Variants in DOCK3 observed in about 807,000 individuals in gnomAD.
The protein encoded by DOCK3 is dedicator of cytokinesis protein 3.
A neutral mutation model predicts 265.6 loss-of-function variants in DOCK3; 60 were observed. That is an observed-to-expected ratio of 0.23 (90% CI 0.18 to 0.28). The LOEUF is 0.28. Ranked by LOEUF, DOCK3 falls within the 10% of genes least tolerant of loss-of-function variation. The pLI is 1.00. For synonymous variants in DOCK3, 881 were observed against 938.0 expected, an observed-to-expected ratio of 0.94 and a Z score of 1.11; for missense variants, 1,981 against 2,594.3, an observed-to-expected ratio of 0.76 and a Z score of 5.14.
chr3:51,141,109 T>C (rs1200456897), intron 9 of DOCK3, among the ~76,000 whole-genome samples: 1 of 152,078 alleles, frequency 6.6e-6, no homozygotes, highest in African/African-American at 2.4e-5. Flanking sequence ...TTTTTTGTTG[T>C]TGCTTGTGCT....
chr3:51,237,891 C>A (rs2078419416), intron 21 of DOCK3, among the ~76,000 whole-genome samples: 1 of 151,890 alleles, frequency 6.6e-6, no homozygotes, highest in Non-Finnish European at 1.5e-5. Context: ...AATAACTCCC[C>A]ATTCTCCCCT....
intron 12 of DOCK3, among the ~76,000 whole-genome samples, chr3:51,162,251 T>C (rs1342212271): frequency 6.6e-6 from 1 of 152,224 alleles, no homozygotes; most frequent in Non-Finnish European, 1.5e-5. Flanking sequence ...TCTGTCTGAC[T>C]TGGGCATGAA....
chr3:50,911,580 A>G (rs2049855329), intron 4 of DOCK3, among the ~76,000 whole-genome samples: 1 of 152,068 alleles, frequency 6.6e-6, no homozygotes, highest in Non-Finnish European at 1.5e-5. Flanking sequence ...TTTTGAAGTC[A>G]GGTAGTGTGA....
chr3:51,154,681 A>C (rs556424426), intron 10 of DOCK3, among the ~76,000 whole-genome samples: 2 of 152,380 alleles, frequency 1.3e-5, no homozygotes, highest in South Asian at 4.1e-4. Flanking sequence ...TTGTGGGAAC[A>C]GAGCTGCGTG....
intron 9 of DOCK3, among the ~76,000 whole-genome samples, chr3:51,125,591 C>G (rs1437657634): frequency 6.6e-6 from 1 of 151,956 alleles, no homozygotes; most frequent in African/African-American, 2.4e-5. Context: ...GAAACAGCAG[C>G]AGAAATAGTG....
chr3:51,116,043 G>A (rs2083721623), intron 9 of DOCK3, among the ~76,000 whole-genome samples: 1 of 152,120 alleles, frequency 6.6e-6, no homozygotes, highest in Non-Finnish European at 1.5e-5. Context: ...TTTGGTTACT[G>A]TCACCTTGTA....
At chr3:50,716,568 A>C in intron 1 of DOCK3, among the ~76,000 whole-genome samples, 1 of 151,102 alleles carries the variant, frequency 6.6e-6, no homozygotes, top group East Asian at 1.9e-4. Flanking sequence ...AAATTAAAAA[A>C]AATTATATAT....
chr3:51,077,108 C>A (rs750397873), intron 7 of DOCK3, among the ~76,000 whole-genome samples: 2 of 151,916 alleles, frequency 1.3e-5, no homozygotes, highest in Non-Finnish European at 2.9e-5. Context: ...AGTAGTGATT[C>A]AGGTAAGAAA....
chr3:51,041,957 G>A (rs2080550617), intron 5 of DOCK3, among the ~76,000 whole-genome samples: 1 of 152,058 alleles, frequency 6.6e-6, no homozygotes, highest in Admixed American at 6.6e-5. Context: ...CTTCTCCCTA[G>A]CCATGAAAGC....
intron 7 of DOCK3, among the ~76,000 whole-genome samples, chr3:51,081,307 G>A (rs1053544811): frequency 1.3e-5 from 2 of 152,110 alleles, no homozygotes; most frequent in Admixed American, 1.3e-4. Context: ...GAAGCAGGAT[G>A]AAATCTCTCA....
chr3:50,717,592 G>A (rs916689634), intron 1 of DOCK3, among the ~76,000 whole-genome samples: 5 of 151,634 alleles, frequency 3.3e-5, no homozygotes, highest in African/African-American at 9.7e-5. Flanking sequence ...CTTTCTGTCC[G>A]CACCTGATAC....
intron 17 of DOCK3, among the ~76,000 whole-genome samples, 171 bp from the exon 18 acceptor site, chr3:51,228,490 A>G (rs1368113431): frequency 6.6e-6 from 1 of 152,206 alleles, no homozygotes; most frequent in African/African-American, 2.4e-5. Flanking sequence ...TAAAAGGCAC[A>G]TGAGCTGTTC....
chr3:50,925,161 G>A (rs576545246), intron 4 of DOCK3, among the ~76,000 whole-genome samples: 7 of 152,248 alleles, frequency 4.6e-5, no homozygotes, highest in Admixed American at 1.3e-4. Flanking sequence ...TTGTAATTCA[G>A]CAATCCTTAG....
intron 9 of DOCK3, among the ~76,000 whole-genome samples, chr3:51,144,112 C>G (rs1175122420): frequency 1.3e-5 from 2 of 152,156 alleles, no homozygotes; most frequent in Non-Finnish European, 2.9e-5. Flanking sequence ...TATACACCCC[C>G]CCTTGATACC....
intron 5 of DOCK3, among the ~76,000 whole-genome samples, chr3:51,044,322 C>CA (rs565158536): frequency 3.9e-5 from 6 of 151,962 alleles, no homozygotes; most frequent in South Asian, 4.2e-4. Context: ...CAAACTAACA[C>CA]AAAAAAACAG....
intron 5 of DOCK3, among the ~76,000 whole-genome samples, chr3:51,012,276 T>G (rs967694392): frequency 6.6e-6 from 1 of 152,194 alleles, no homozygotes; most frequent in African/African-American, 2.4e-5. Flanking sequence ...GCAGGCCTCC[T>G]TGAGCTGCGG....
At chr3:50,684,670 G>A (rs1045393063) in intron 1 of DOCK3, among the ~76,000 whole-genome samples, 3 of 152,150 alleles carry the variant, frequency 2.0e-5, no homozygotes, top group Non-Finnish European at 1.5e-5. Flanking sequence ...AACTTATCCC[G>A]ACAATACTTC....
At chr3:51,377,510 G>A (rs1004191842) in intron 51 of DOCK3, among the ~76,000 whole-genome samples, 6 of 152,210 alleles carry the variant, frequency 3.9e-5, no homozygotes, top group African/African-American at 1.2e-4. Context: ...ATGCACTGGC[G>A]GCCTCAGGCC....
chr3:51,067,463 G>A (rs189445656), intron 6 of DOCK3, among the ~76,000 whole-genome samples: 185 of 151,906 alleles, frequency 1.2e-3, no homozygotes, highest in African/African-American at 3.4e-3. Flanking sequence ...GTGTGCGCGC[G>A]CGTTGGAGGG....
Sources: allele counts gnomAD v4.1 joint callset (sites outside exome capture counted in the v4.1 genomes callset), GRCh38; gene constraint gnomAD v4.1.1; transcripts MANE v1.5; gene names NCBI Gene and HGNC (gene_info 2026-07-23, HGNC 2026-07-21).